The following PDCD11 variants were observed in gnomAD, a reference collection of about 807,000 sequenced individuals.
PDCD11 encodes the protein protein RRP5 homolog.
In PDCD11, 97 loss-of-function variants were observed where a neutral mutation model predicts 198.9. The observed-to-expected ratio is 0.49, with a 90% CI of 0.41 to 0.58. PDCD11 has a LOEUF of 0.58. Ranked by LOEUF, PDCD11 falls within the 20% of genes least tolerant of loss-of-function variation. The pLI is 0.00. For missense variants in PDCD11, 2,102 were observed against 2,312.7 expected, an observed-to-expected ratio of 0.91 and a Z score of 1.87; for synonymous variants, 893 against 918.0, an observed-to-expected ratio of 0.97 and a Z score of 0.49.
chr10:103,406,595 G>A lies in PDCD11; in HGVS notation c.689-14G>A. On this transcript the variant is annotated splice_polypyrimidine_tract_variant and intron_variant, in intron 6 of 35. Coordinates refer to ENST00000369797, the MANE Select transcript of PDCD11 (RefSeq NM_014976.2). ...ATACATTTTTCCTTTTGGGGCCTGG[G>A]TCTGGGCTTACAGGTGCTAAACTAA... is the stretch of plus-strand genomic sequence containing the variant. 6.2e-7 allele frequency: 1 copy of A among 1,612,114 alleles called. No individual in the cohort carries two copies. Among genetic ancestry groups the A allele is most frequent in the South Asian group, 1.1e-5 (1 of 90,766 alleles).
chr10:103,442,101 A>C, intron 31 of PDCD11, 112 bp from the exon 32 acceptor site: 4 of 1,546,078 alleles, frequency 2.6e-6, no homozygotes, highest in Non-Finnish European at 3.5e-6. Context: ...GTCCCAGGCC[A>C]GGGGGTATAT....
At chr10:103,415,775 G>A (rs2031072986) in intron 12 of PDCD11, among the ~76,000 whole-genome samples, 1 of 152,210 alleles carries the variant, frequency 6.6e-6, no homozygotes, top group African/African-American at 2.4e-5. Flanking sequence ...CAAAGGTTGT[G>A]TTCTAGGCAC....
At position 103,434,327 on chromosome 10, in the gene PDCD11, C is replaced by A; in HGVS notation, c.3644C>A (p.Thr1215Asn). The A allele has an allele frequency of 6.2e-7, 1 of 1,611,544 alleles. No homozygotes were observed. The highest frequency in any genetic ancestry group is 8.5e-7 in the Non-Finnish European group (1 of 1,177,690). Residue 1215 changes from threonine (T) to asparagine (N), a missense_variant, in exon 24 of 36, where the codon ACC (threonine) becomes AAC (asparagine). Physicochemically the swap from Thr to Asn is moderately conservative, Grantham distance 65 (BLOSUM62 0). Coordinates refer to ENST00000369797, the MANE Select transcript of PDCD11 (RefSeq NM_014976.2). ...GTTGTTGGCCCAGATTCCTCCAAGA[C>A]CCTCTTATGTCTGTCCCTCACAGGT... ...ATVVGPDSSKTLLCLSLTGPH... is the reference protein window; with the variant it reads ...ATVVGPDSSKNLLCLSLTGPH...
intron 7 of PDCD11, 63 bp downstream of exon 7, chr10:103,406,853 C>A: frequency 7.5e-7 from 1 of 1,336,162 alleles, no homozygotes; most frequent in Non-Finnish European, 1.0e-6. Flanking sequence ...ATATTAAATG[C>A]ATAAAGTCTA....
rs559471504 is a variant in PDCD11 at position 103,445,205 on chromosome 10, T to G, written c.5445-173T>G. Among the ~76,000 whole-genome samples the G allele has an allele frequency of 5.9e-5, 9 of 152,228 alleles. No individual in the cohort carries two copies. The South Asian group carries it at 1.9e-3, about 32-fold the overall frequency. On this transcript the variant is annotated intron_variant, in intron 35 of 35. Transcript: ENST00000369797. ...TGGAAGATGAGGGTGGTAGTGCCTC[T>G]CCCCAAGGCATCATGGGAGTTCATC...
Position 103,440,769 on chromosome 10 carries a change from G to A in PDCD11, c.4476G>A (p.Leu1492=). 1.2e-6 allele frequency: 2 copies of A among 1,614,160 alleles called. No homozygotes were observed. Among genetic ancestry groups the A allele is most frequent in the South Asian group, 1.1e-5 (1 of 91,082 alleles). The change falls in exon 30 of 36, where the codon CTG becomes CTA. Residue 1492 remains leucine, a synonymous_variant. Transcript: ENST00000369797. The part of the protein sequence containing the change: ...RVSKKPKKAG[L]SEEDDSLVDV... Reference sequence around the variant, plus strand: ...GCAAGAAGCCAAAGAAAGCCGGCCTGTCAGAGGAGGACGACAGCCTTGTGG... The same window carrying A: ...GCAAGAAGCCAAAGAAAGCCGGCCTATCAGAGGAGGACGACAGCCTTGTGG...
In PDCD11 at chr10:103,439,876, C is replaced by G; in HGVS notation, c.4148+8C>G. ...CACAGCCAGGGTCCTACGGTAGGTG[C>G]CTTCCCGTTCTCTCTCTCTCTGTAA... On this transcript the variant is annotated splice_region_variant and intron_variant, in intron 28 of 35. Transcript: ENST00000369797. 3 of 1,614,066 alleles carry G rather than the reference C, an allele frequency of 1.9e-6. No individual in the cohort carries two copies. The highest frequency in any genetic ancestry group is 2.5e-6 in the Non-Finnish European group (3 of 1,179,936).
intron 25 of PDCD11, among the ~76,000 whole-genome samples, chr10:103,435,579 G>T (rs147021966): frequency 6.6e-6 from 1 of 151,424 alleles, no homozygotes; most frequent in South Asian, 2.1e-4. Flanking sequence ...GCAGTGGCGC[G>T]ATCTCAGCTC....
chr10:103,399,708 G>A (rs1592108324), intron 2 of PDCD11: 2 of 152,066 alleles, frequency 1.3e-5, no homozygotes, highest in African/African-American at 4.8e-5. Context: ...CCATGATGAG[G>A]AACAGTGTCT....
intron 8 of PDCD11, 147 bp from the exon 9 acceptor site, chr10:103,412,969 G>A: frequency 1.5e-6 from 1 of 649,062 alleles, no homozygotes; most frequent in South Asian, 1.8e-5. Flanking sequence ...CTGCTTGAGT[G>A]TGGAAGCCAG....
At chr10:103,404,914 G>A (rs2030354629) in intron 4 of PDCD11, 108 bp from the exon 5 acceptor site, 2 of 968,082 alleles carry the variant, frequency 2.1e-6, no homozygotes, top group South Asian at 3.4e-5. Context: ...CCCACCTTTT[G>A]GGTTCTCTGG....
At chr10:103,428,292 C>T (rs189070546) in intron 21 of PDCD11, among the ~76,000 whole-genome samples, 1 of 141,534 alleles carries the variant, frequency 7.1e-6, no homozygotes, top group Admixed American at 7.2e-5. Context: ...GCAACAAGAG[C>T]GAAAGCCGTC....
At chr10:103,440,099 C>T (rs1206236866) in intron 28 of PDCD11, among the ~76,000 whole-genome samples, 191 bp from the exon 29 acceptor site, 1 of 152,216 alleles carries the variant, frequency 6.6e-6, no homozygotes, top group African/African-American at 2.4e-5. Flanking sequence ...GGCATCACAT[C>T]TACCCCCTGT....
Position 103,442,290 on chromosome 10 carries a change from G to C in PDCD11, c.4785G>C (p.Leu1595=). ...EKELSRIEEA[L]MDPGRQPESA... is the part of the protein sequence containing the mutation. Reference sequence around the variant, plus strand: ...AACTGTCCCGCATTGAGGAGGCGCTGATGGATCCTGGGCGGCAGCCAGAGT... The same window carrying C: ...AACTGTCCCGCATTGAGGAGGCGCTCATGGATCCTGGGCGGCAGCCAGAGT... Residue 1595 remains leucine (L), a synonymous_variant, in exon 32 of 36, where the codon CTG becomes CTC. Coordinates refer to ENST00000369797, the MANE Select transcript of PDCD11 (RefSeq NM_014976.2). 6.2e-7 allele frequency: 1 copy of C among 1,614,234 alleles called. No homozygotes were observed. The highest frequency in any genetic ancestry group is 1.1e-5 in the South Asian group (1 of 91,084).
intron 7 of PDCD11, among the ~76,000 whole-genome samples, 189 bp downstream of exon 7, chr10:103,406,979 A>G (rs901060563): frequency 3.9e-5 from 6 of 152,262 alleles, no homozygotes; most frequent in Admixed American, 6.5e-5. Flanking sequence ...TTAAAAAACT[A>G]TACTAAAAAG....
chr10:103,398,408 G>A lies in PDCD11; in HGVS notation c.-11-8G>A. 2 of 1,553,232 alleles carry A rather than the reference G, an allele frequency of 1.3e-6. No homozygotes were observed. The highest frequency in any genetic ancestry group is 8.9e-7 in the Non-Finnish European group (1 of 1,124,616). On this transcript the variant is annotated splice_polypyrimidine_tract_variant and splice_region_variant and intron_variant, in intron 1 of 35. Transcript: ENST00000369797. ...ACATGTCACCATTATCCTTTGCATTGTTTTTAGGAGACCCAAACATGGCAA... is the reference window on the plus strand; with the variant it reads ...ACATGTCACCATTATCCTTTGCATTATTTTTAGGAGACCCAAACATGGCAA...
At chr10:103,432,925 T>C (rs1427746740) in intron 22 of PDCD11, among the ~76,000 whole-genome samples, 3 of 152,238 alleles carry the variant, frequency 2.0e-5, no homozygotes, top group Admixed American at 6.5e-5. Flanking sequence ...CCTGTCTTTA[T>C]TCATGCTGGT....
At chr10:103,445,118 G>C (rs540884821) in intron 35 of PDCD11, among the ~76,000 whole-genome samples, 4 of 152,180 alleles carry the variant, frequency 2.6e-5, no homozygotes, top group African/African-American at 7.2e-5. Flanking sequence ...GCTTTGTCTT[G>C]ATCACTGTGT....
intron 25 of PDCD11, among the ~76,000 whole-genome samples, chr10:103,437,141 C>T (rs1438709407): frequency 6.6e-6 from 1 of 152,128 alleles, no homozygotes; most frequent in Non-Finnish European, 1.5e-5. Context: ...TCTTCCCTCT[C>T]TCCCTCCCCT....
Sources: allele counts gnomAD v4.1 joint callset (sites outside exome capture counted in the v4.1 genomes callset), GRCh38; gene constraint gnomAD v4.1.1; transcripts MANE v1.5; gene names NCBI Gene and HGNC (gene_info 2026-07-23, HGNC 2026-07-21).